SKIL: variants seen among roughly 807,000 people sequenced by gnomAD.
SKIL encodes the protein ski-like protein.
Under a neutral mutation model 69.6 loss-of-function variants are expected in SKIL, and 20 were observed. That is an observed-to-expected ratio of 0.29 (90% CI 0.20 to 0.42). The LOEUF is 0.42. SKIL is among the 10% of genes least tolerant of loss of function. The pLI, the probability that SKIL is intolerant of heterozygous loss-of-function variation, is 1.00. For synonymous variants in SKIL, 310 were observed against 279.9 expected (o/e 1.11, Z -1.08); for missense variants, 745 against 783.1 (o/e 0.95, Z 0.58).
intron 1 of SKIL, among the ~76,000 whole-genome samples, chr3:170,358,036 G>C (rs1399406120): frequency 1.3e-5 from 2 of 152,074 alleles, no homozygotes; most frequent in East Asian, 3.9e-4. Context: ...CGCTGTAGTT[G>C]ACGGGAGCCG....
At chr3:170,372,804 A>G (rs1577421898) in intron 2 of SKIL, among the ~76,000 whole-genome samples, 2 of 152,328 alleles carry the variant, frequency 1.3e-5, no homozygotes, top group South Asian at 4.1e-4. Flanking sequence ...ATTTTGGGTC[A>G]GAACAAAGTA....
chr3:170,358,665 G>C (rs1452696678), intron 1 of SKIL: 2 of 152,166 alleles, frequency 1.3e-5, no homozygotes, highest in African/African-American at 4.8e-5. Flanking sequence ...TGAGAGTTTG[G>C]GAAGCAAAAA....
In SKIL at chr3:170,360,958, C is replaced by A. The variant is rs571310067; in HGVS notation, c.627C>A (p.Gly209=). ...SDQLHILKVL[G]ILPFNAPSCG... Reference sequence around the variant, plus strand: ...AGCTTCATATCTTAAAGGTACTGGGCATACTTCCATTCAATGCCCCATCCT... The same window carrying A: ...AGCTTCATATCTTAAAGGTACTGGGAATACTTCCATTCAATGCCCCATCCT... The change falls in exon 2 of 7, where the codon GGC becomes GGA. Residue 209 remains glycine, a synonymous_variant. Coordinates refer to ENST00000259119, the MANE Select transcript of SKIL (RefSeq NM_005414.5). The A allele has an allele frequency of 1.9e-6, 3 of 1,614,160 alleles. No homozygotes were observed. The South Asian group carries it at 3.3e-5, about 18-fold the overall frequency.
Position 170,360,121 on chromosome 3 carries a change from A to G in SKIL, c.-211A>G, listed in dbSNP as rs1401916964. 1 of 463,612 alleles carries G rather than the reference A, an allele frequency of 2.2e-6. No homozygotes were observed. The highest frequency in any genetic ancestry group is 3.5e-5 in the East Asian group (1 of 28,870). The allele number at this position is 463,612 out of a possible 1,614,324, so 28.7% of individuals were successfully genotyped here. The stretch of plus-strand genomic sequence containing the variant: ...TTTATTATTAGAGGCAAAACGAACA[A>G]TTTTATAGGATTTGTAGTGAAATTA... On this transcript the variant is annotated 5_prime_UTR_variant, in exon 2 of 7. Coordinates refer to ENST00000259119, the MANE Select transcript of SKIL (RefSeq NM_005414.5).
chr3:170,385,882 A>G (rs1737600418), intron 4 of SKIL, among the ~76,000 whole-genome samples: 1 of 150,234 alleles, frequency 6.7e-6, no homozygotes, highest in African/African-American at 2.5e-5. Flanking sequence ...GCTCACCGCA[A>G]CCTCCACCTC....
Position 170,391,045 on chromosome 3 carries a change from A to G in SKIL, c.1681A>G (p.Met561Val). The G allele has an allele frequency of 6.5e-7, 1 of 1,540,054 alleles. No homozygotes were observed. Among genetic ancestry groups the G allele is most frequent in the Non-Finnish European group, 8.9e-7 (1 of 1,120,240 alleles). The change falls in exon 6 of 7, where the codon ATG becomes GTG. Residue 561 changes from methionine to valine, a missense_variant. By Grantham distance (21) the Met-to-Val change is conservative. Coordinates refer to ENST00000259119, the MANE Select transcript of SKIL (RefSeq NM_005414.5). ...KKQQLQMEVK[M>V]LSSSKSMKEL... Reference sequence around the variant, plus strand: ...ATTCTTTACATTACAGGAAGTAAAAATGTTGAGTAGTTCAAAATCTATGAA... The same window carrying G: ...ATTCTTTACATTACAGGAAGTAAAAGTGTTGAGTAGTTCAAAATCTATGAA...
intron 2 of SKIL, among the ~76,000 whole-genome samples, chr3:170,368,349 A>AT (rs149693985): frequency 0.063 from 9,617 of 152,152 alleles, 404 homozygotes; most frequent in South Asian, 0.14. Context: ...TATTTTTTCT[A>AT]TTTTTTTGGA....
rs1736138813 is a variant in SKIL, at chr3:170,359,962, G to GTT, written c.-367_-366dup. 6.1e-6 allele frequency: 1 copy of GTT among 164,208 alleles called. No homozygotes were observed. The highest frequency in any genetic ancestry group is 2.4e-5 in the African/African-American group (1 of 41,814). 10.2% of individuals were successfully genotyped at this position (164,208 alleles called of 1,614,324 possible). The stretch of plus-strand genomic sequence containing the variant: ...AAGGAATGGCATAAACTTTTCATGT[G>GTT]TTTTGGTTAAAACAAACCAGACCAT... On this transcript the variant is annotated 5_prime_UTR_variant, in exon 2 of 7. The change abolishes the stop of an existing upstream ORF in the 5' untranslated region. Transcript: ENST00000259119.
intron 3 of SKIL, 113 bp from the exon 4 acceptor site, chr3:170,384,420 C>T: frequency 7.1e-6 from 4 of 567,350 alleles, no homozygotes; most frequent in East Asian, 2.9e-5. Flanking sequence ...GTAATATTGT[C>T]TGTTTTGGTT....
At chr3:170,391,986 CAT>C (rs1453538591) in intron 6 of SKIL, among the ~76,000 whole-genome samples, 1 of 152,162 alleles carries the variant, frequency 6.6e-6, no homozygotes, top group Non-Finnish European at 1.5e-5. Flanking sequence ...AAATAACTAA[CAT>C]GAGCAGGCTG....
intron 2 of SKIL, among the ~76,000 whole-genome samples, chr3:170,366,685 A>AC (rs754525481): frequency 5.9e-5 from 6 of 101,822 alleles, no homozygotes; most frequent in Admixed American, 1.1e-4. Context: ...ACACACACAC[A>AC]CACACACACA....
At chr3:170,381,515 C>T (rs1737348679) in intron 3 of SKIL, among the ~76,000 whole-genome samples, 174 bp downstream of exon 3, 3 of 152,074 alleles carry the variant, frequency 2.0e-5, no homozygotes, top group Non-Finnish European at 1.5e-5. Context: ...TCATTGCAAC[C>T]TCCGCCTCAC....
intron 2 of SKIL, among the ~76,000 whole-genome samples, chr3:170,375,503 G>A (rs1426272415): frequency 6.6e-6 from 1 of 152,172 alleles, no homozygotes; most frequent in Non-Finnish European, 1.5e-5. Context: ...ATATTCTGAA[G>A]ATTTGAGATT....
At chr3:170,390,044 A>C (rs1737833198) in intron 4 of SKIL, among the ~76,000 whole-genome samples, 179 bp from the exon 5 acceptor site, 1 of 152,142 alleles carries the variant, frequency 6.6e-6, no homozygotes, top group African/African-American at 2.4e-5. Context: ...AATTTCTTTT[A>C]GTGATGTTTT....
chr3:170,369,693 C>T (rs1404623344), intron 2 of SKIL, among the ~76,000 whole-genome samples: 6 of 151,972 alleles, frequency 3.9e-5, no homozygotes, highest in African/African-American at 1.2e-4. Flanking sequence ...TGAGCCACCG[C>T]ACCCAGCGAA....
intron 2 of SKIL, among the ~76,000 whole-genome samples, 166 bp from the exon 3 acceptor site, chr3:170,381,078 C>T (rs1737319095): frequency 6.6e-6 from 1 of 151,540 alleles, no homozygotes; most frequent in Non-Finnish European, 1.5e-5. Context: ...CTTCCCCACT[C>T]TGCCTCCCAA....
At chr3:170,365,146 C>G (rs1351645244) in intron 2 of SKIL, among the ~76,000 whole-genome samples, 1 of 152,088 alleles carries the variant, frequency 6.6e-6, no homozygotes, top group African/African-American at 2.4e-5. Context: ...TTTTTAGGGT[C>G]TGTGAGGAAG....
At chr3:170,364,379 A>G (rs1736398722) in intron 2 of SKIL, among the ~76,000 whole-genome samples, 1 of 139,080 alleles carries the variant, frequency 7.2e-6, no homozygotes, top group Non-Finnish European at 1.5e-5. Context: ...GCTGGAGTAC[A>G]ATGGCGCGAT....
At position 170,395,300 on chromosome 3, in the gene SKIL, C is replaced by T. The variant is rs576564006; in HGVS notation, c.*2883C>T. The T allele has an allele frequency of 7.9e-5, 12 of 152,186 alleles. No individual in the cohort carries two copies. The highest frequency in any genetic ancestry group is 2.9e-4 in the African/African-American group (12 of 41,576). 9.4% of individuals were successfully genotyped at this position (152,186 alleles called of 1,614,324 possible). A position where few individuals can be genotyped will look rare whatever the true frequency, so the allele number is the denominator to read the frequency against. ...ATGAAAAGATTTGACCAACAATTTA[C>T]GTTTGCTGTGTGCTTTAGTTTTTGT... On this transcript the variant is annotated 3_prime_UTR_variant, in exon 7 of 7. Coordinates refer to ENST00000259119, the MANE Select transcript of SKIL (RefSeq NM_005414.5).
Sources: allele counts gnomAD v4.1 joint callset (sites outside exome capture counted in the v4.1 genomes callset), GRCh38; gene constraint gnomAD v4.1.1; transcripts MANE v1.5; gene names NCBI Gene and HGNC (gene_info 2026-07-23, HGNC 2026-07-21).